Variants in KIF15 observed in about 807,000 individuals in gnomAD.
The protein encoded by KIF15 is kinesin-like protein KIF15.
KIF15 carries 140 observed loss-of-function variants against 190.6 expected under a neutral mutation model. That is an observed-to-expected ratio of 0.73 (90% CI 0.64 to 0.84). The LOEUF is 0.84. Among genes scored for constraint, KIF15 ranks in the 40% least tolerant of loss-of-function variants. The pLI is 0.00. For missense variants in KIF15, 1,372 were observed against 1,584.4 expected (o/e 0.87, Z 2.28); for synonymous variants, 528 against 551.3 (o/e 0.96, Z 0.59).
chr3:44,805,689 T>C (rs914885835), intron 15 of KIF15, among the ~76,000 whole-genome samples, 156 bp from the exon 16 acceptor site: 1 of 152,216 alleles, frequency 6.6e-6, no homozygotes, highest in East Asian at 1.9e-4. Context: ...TGTAGTTTAC[T>C]GAACTGGAGA....
At chr3:44,789,492 G>A (rs1238750070) in intron 7 of KIF15, among the ~76,000 whole-genome samples, 1 of 151,372 alleles carries the variant, frequency 6.6e-6, no homozygotes, top group African/African-American at 2.4e-5. Flanking sequence ...AGTGTGTCAT[G>A]TGTGCTTGAG....
intron 20 of KIF15, among the ~76,000 whole-genome samples, chr3:44,824,763 T>G (rs1697550830): frequency 6.6e-6 from 1 of 152,180 alleles, no homozygotes. Flanking sequence ...TAGGTTTGTT[T>G]GTTTGTTTGT....
intron 8 of KIF15, among the ~76,000 whole-genome samples, chr3:44,796,929 T>C (rs558761772): frequency 8.3e-4 from 127 of 152,304 alleles, no homozygotes; most frequent in Admixed American, 5.5e-3. Context: ...AGCTTTTTTT[T>C]CCCTATTTTT....
At chr3:44,843,317 G>A (rs1438943915) in intron 30 of KIF15, 83 bp downstream of exon 30, 2 of 822,398 alleles carry the variant, frequency 2.4e-6, no homozygotes, top group Non-Finnish European at 4.0e-6. Flanking sequence ...TGGTTTCACA[G>A]GTTTCCCAAG....
chr3:44,860,186 C>G (rs913119494), intron 6 of KIF15, among the ~76,000 whole-genome samples: 1 of 152,158 alleles, frequency 6.6e-6, no homozygotes, highest in African/African-American at 2.4e-5. Flanking sequence ...AGAAAATTTG[C>G]TTTACATTCT....
chr3:44,775,473 T>C, intron 3 of KIF15, 36 bp downstream of exon 3: 1 of 880,312 alleles, frequency 1.1e-6, no homozygotes, highest in Non-Finnish European at 1.7e-6. Flanking sequence ...TTTTTTTTTT[T>C]TGAAAAGGAG....
chr3:44,841,008 C>G, intron 28 of KIF15, 66 bp from the exon 29 acceptor site: 1 of 1,393,500 alleles, frequency 7.2e-7, no homozygotes, highest in Non-Finnish European at 1.0e-6. Context: ...TTGACATTTA[C>G]GTTTAAAAGA....
chr3:44,841,543 G>A (rs962826464), intron 29 of KIF15, among the ~76,000 whole-genome samples: 2 of 151,732 alleles, frequency 1.3e-5, no homozygotes, highest in African/African-American at 2.4e-5. Flanking sequence ...GACTACAGGC[G>A]CCCGCCACCA....
At chr3:44,861,987 C>G (rs1426431620) in intron 6 of KIF15, 1 of 1,382,544 alleles carries the variant, frequency 7.2e-7, no homozygotes, top group African/African-American at 1.5e-5. Context: ...CTGACACCCC[C>G]GCGGAATTCC....
intron 1 of KIF15, among the ~76,000 whole-genome samples, chr3:44,771,125 C>T (rs1183624052): frequency 6.6e-6 from 1 of 152,124 alleles, no homozygotes; most frequent in Non-Finnish European, 1.5e-5. Context: ...AACAAGACAA[C>T]AATTGTCTGT....
intron 24 of KIF15, among the ~76,000 whole-genome samples, chr3:44,828,586 CT>C (rs1290174648): frequency 6.6e-6 from 1 of 152,184 alleles, no homozygotes; most frequent in Non-Finnish European, 1.5e-5. Flanking sequence ...GTGACCCTTT[CT>C]TGTTGACTCT....
chr3:44,857,137 T>G (rs1441559148), downstream of KIF15, among the ~76,000 whole-genome samples: 1 of 152,092 alleles, frequency 6.6e-6, no homozygotes, highest in Non-Finnish European at 1.5e-5. Flanking sequence ...ATCAGAGAGA[T>G]ACAGTCATGG....
rs567109485 is a variant in KIF15 at position 44,766,495 on chromosome 3, C to G, written c.19+4611C>G. Among the ~76,000 whole-genome samples the G allele has an allele frequency of 5.3e-5, 8 of 152,272 alleles. No individual in the cohort carries two copies. In the South Asian group the frequency reaches 1.7e-3, roughly 32 times the overall value. On this transcript the variant is annotated intron_variant, in intron 1 of 34. Transcript: ENST00000326047. ...GGAGAGCCCTCACCTCTCAACCACA[C>G]TTGTCTGGGACTTTATCTGAGCATC...
intron 26 of KIF15, 35 bp downstream of exon 26, chr3:44,831,053 C>T (rs1698046127): frequency 6.3e-7 from 1 of 1,598,246 alleles, no homozygotes; most frequent in Non-Finnish European, 8.5e-7. Flanking sequence ...CTTTGTTTGC[C>T]TTATTACTTG....
intron 2 of KIF15, 35 bp from the exon 3 acceptor site, chr3:44,775,219 A>T: frequency 6.4e-7 from 1 of 1,563,426 alleles, no homozygotes; most frequent in Non-Finnish European, 8.8e-7. Flanking sequence ...CTTCTTCAAT[A>T]AACTGAACTG....
intron 10 of KIF15, 102 bp from the exon 11 acceptor site, chr3:44,800,212 G>A: frequency 2.8e-6 from 3 of 1,082,642 alleles, no homozygotes; most frequent in Non-Finnish European, 4.0e-6. Flanking sequence ...TTGAAGTTTT[G>A]TTTGATGTTC....
chr3:44,775,459 A>T lies in KIF15; in HGVS notation c.246+22A>T. On this transcript the variant is annotated intron_variant, in intron 3 of 34. Transcript: ENST00000326047. ...TCAGGTAATGATAATTAGAAACTTA[A>T]CTTTTTTTTTTTTTTGAAAAGGAGT... 2.7e-6 allele frequency: 4 copies of T among 1,479,956 alleles called. No homozygotes were observed. The South Asian group carries it at 3.7e-5, about 14-fold the overall frequency. 91.7% of individuals were successfully genotyped at this position (1,479,956 alleles called of 1,614,324 possible).
chr3:44,830,758 T>C (rs778660117), intron 25 of KIF15, 138 bp from the exon 26 acceptor site: 15 of 817,498 alleles, frequency 1.8e-5, no homozygotes, highest in Non-Finnish European at 2.4e-5. Context: ...TATTCTTCTA[T>C]TCCTTCAGTC....
chr3:44,826,488 C>A, intron 22 of KIF15, 28 bp downstream of exon 22: 3 of 1,413,634 alleles, frequency 2.1e-6, no homozygotes, highest in Non-Finnish European at 3.0e-6. Context: ...TTTCTACTAG[C>A]ATACTAGAAT....
Sources: gnomAD v4.1 joint callset for allele counts (sites outside exome capture counted in the v4.1 genomes callset) on GRCh38, gnomAD v4.1.1 for gene constraint, MANE v1.5 for transcripts, NCBI Gene and HGNC (gene_info 2026-07-23, HGNC 2026-07-21) for gene names.